The following DCC variants were observed in gnomAD, a reference collection of about 807,000 sequenced individuals.
DCC encodes the protein netrin receptor DCC.
Under a neutral mutation model 172.5 loss-of-function variants are expected in DCC, and 58 were observed. The ratio of observed to expected loss-of-function variants is 0.34; its 90% CI spans 0.27 to 0.42. The LOEUF is 0.42. Ranked by LOEUF, DCC falls within the 10% of genes least tolerant of loss-of-function variation. The pLI is 1.00. For synonymous variants in DCC, 709 were observed against 644.5 expected (o/e 1.10, Z -1.52); for missense variants, 1,740 against 1,791.0 (o/e 0.97, Z 0.51).
chr18:53,112,462 A>C (rs561288690), intron 7 of DCC, among the ~76,000 whole-genome samples: 13 of 151,586 alleles, frequency 8.6e-5, no homozygotes, highest in African/African-American at 2.9e-4. Context: ...CATATAATAA[A>C]TGGCAGCTTC....
At chr18:52,866,737 C>A (rs1169534412) in intron 2 of DCC, among the ~76,000 whole-genome samples, 1 of 152,104 alleles carries the variant, frequency 6.6e-6, no homozygotes, top group African/African-American at 2.4e-5. Context: ...GATTTTGTAT[C>A]CGGAGACTTT....
intron 25 of DCC, among the ~76,000 whole-genome samples, chr18:53,486,413 A>C (rs2045900473): frequency 6.6e-6 from 1 of 152,194 alleles, no homozygotes. Flanking sequence ...CACTCTACAC[A>C]ATATATTTGA....
chr18:53,162,144 C>A (rs1416213607), intron 8 of DCC, among the ~76,000 whole-genome samples: 1 of 151,900 alleles, frequency 6.6e-6, no homozygotes, highest in African/African-American at 2.4e-5. Flanking sequence ...ACTAAACATA[C>A]AAAAATTAGC....
chr18:53,503,780 C>CT (rs1382606634), intron 27 of DCC, among the ~76,000 whole-genome samples: 3 of 152,122 alleles, frequency 2.0e-5, no homozygotes, highest in Non-Finnish European at 4.4e-5. Context: ...TCATAATACT[C>CT]TTTTATAACA....
At chr18:53,187,129 C>CTT (rs56196908) in intron 9 of DCC, among the ~76,000 whole-genome samples, 2 of 144,472 alleles carry the variant, frequency 1.4e-5, no homozygotes, top group East Asian at 2.1e-4. Context: ...TTTTTTTTTT[C>CTT]TTTTTTTTTT....
chr18:52,401,496 A>G (rs893184772), intron 1 of DCC, among the ~76,000 whole-genome samples: 1 of 152,046 alleles, frequency 6.6e-6, no homozygotes, highest in Admixed American at 6.6e-5. Flanking sequence ...AGAAACCACA[A>G]CAAACTGTGA....
intron 12 of DCC, among the ~76,000 whole-genome samples, chr18:53,293,507 C>T (rs531634539): frequency 6.6e-6 from 1 of 152,144 alleles, no homozygotes; most frequent in South Asian, 2.1e-4. Context: ...GGTACATGTA[C>T]AGGTTTGTTA....
At chr18:52,600,452 T>G (rs942219733) in intron 1 of DCC, among the ~76,000 whole-genome samples, 9 of 152,236 alleles carry the variant, frequency 5.9e-5, no homozygotes, top group African/African-American at 2.2e-4. Flanking sequence ...CACACCTAAC[T>G]TATTTTTTTT....
At chr18:52,597,159 T>A (rs142081275) in intron 1 of DCC, among the ~76,000 whole-genome samples, 13 of 152,346 alleles carry the variant, frequency 8.5e-5, no homozygotes, top group Admixed American at 3.9e-4. Context: ...AAAGTCAATT[T>A]GCAGAAGGTG....
intron 5 of DCC, among the ~76,000 whole-genome samples, chr18:52,970,485 A>G (rs1019212918): frequency 9.2e-5 from 14 of 152,296 alleles, no homozygotes; most frequent in African/African-American, 3.1e-4. Context: ...ATATATCAAC[A>G]TTACTCTCCA....
At position 52,747,898 on chromosome 18, in the gene DCC, G is replaced by A. The variant is rs71367294; in HGVS notation, c.92-4156G>A. 6.1e-3 allele frequency among the ~76,000 whole-genome samples: 925 copies of A among 152,312 alleles called. 3 individuals carry two copies. Among genetic ancestry groups the A allele is most frequent in the Non-Finnish European group, 0.011 (738 of 68,026 alleles). On this transcript the variant is annotated intron_variant, in intron 1 of 28. Coordinates refer to ENST00000442544, the MANE Select transcript of DCC (RefSeq NM_005215.4). ...GAAGTTAAAGGTAGCCTTGCCTAAT[G>A]ACACGGTATTTTTCAGTGCCGCTTC...
Position 53,269,548 on chromosome 18 carries a change from A to C in DCC, c.1912-36030A>C, listed in dbSNP as rs187919828. ...GAAAAGAGAAAGGCATAGAATGTTA[A>C]GAATAATAGTCGTAATATTAATGGC... is the stretch of plus-strand genomic sequence containing the variant. On this transcript the variant is annotated intron_variant, in intron 12 of 28. Transcript: ENST00000442544. Among the ~76,000 whole-genome samples, 64 of 152,322 alleles carry C rather than the reference A, an allele frequency of 4.2e-4. No individual in the cohort carries two copies. In the East Asian group the frequency reaches 0.011, roughly 26 times the overall value.
intron 1 of DCC, among the ~76,000 whole-genome samples, chr18:52,416,780 A>G (rs1439755943): frequency 6.6e-6 from 1 of 151,856 alleles, no homozygotes; most frequent in Non-Finnish European, 1.5e-5. Context: ...TGCACTTGAG[A>G]TGGGTTTCCT....
Position 52,739,828 on chromosome 18 carries a change from T to C in DCC, c.92-12226T>C, listed in dbSNP as rs1443767662. 2.0e-5 allele frequency among the ~76,000 whole-genome samples: 3 copies of C among 152,284 alleles called. No individual in the cohort carries two copies. The East Asian group carries it at 5.8e-4, about 29-fold the overall frequency. On this transcript the variant is annotated intron_variant, in intron 1 of 28. Coordinates refer to ENST00000442544, the MANE Select transcript of DCC (RefSeq NM_005215.4). ...ATTGAGAATACCTTCTTTTTTCATA[T>C]ACATTATAAAAACTGCTCTATTAAT...
rs55715009 is a variant in DCC at position 52,610,382 on chromosome 18, C to CAAAA, written c.92-141650_92-141647dup. ...GTGAGAGAGCGAGACTCTGTCTCAA[C>CAAAA]AAAAAAAAAAAAAAAAAAAAAAAAA... On this transcript the variant is annotated intron_variant, in intron 1 of 28. Transcript: ENST00000442544. Among the ~76,000 whole-genome samples the CAAAA allele has an allele frequency of 1.4e-3, 71 of 49,966 alleles. 2 individuals carry two copies. Among genetic ancestry groups the CAAAA allele is most frequent in the East Asian group, 7.4e-3 (5 of 672 alleles). 32.8% of individuals were successfully genotyped at this position (49,966 alleles called of 152,430 possible).
At chr18:53,256,352 C>T (rs1370697757) in intron 12 of DCC, among the ~76,000 whole-genome samples, 1 of 152,172 alleles carries the variant, frequency 6.6e-6, no homozygotes, top group African/African-American at 2.4e-5. Flanking sequence ...TTAGGTCTAA[C>T]ATGTAGGTCT....
At chr18:53,103,459 C>T (rs2043201890) in intron 7 of DCC, among the ~76,000 whole-genome samples, 1 of 152,030 alleles carries the variant, frequency 6.6e-6, no homozygotes, top group South Asian at 2.1e-4. Flanking sequence ...GCAGCCTTGA[C>T]ACTTGAGCCT....
intron 10 of DCC, among the ~76,000 whole-genome samples, chr18:53,205,991 A>G (rs1032411969): frequency 2.6e-5 from 4 of 151,090 alleles, no homozygotes. Flanking sequence ...TTGGTGATAC[A>G]TGCACACACA....
intron 1 of DCC, among the ~76,000 whole-genome samples, chr18:52,383,372 T>C (rs1382268074): frequency 6.6e-6 from 1 of 152,112 alleles, no homozygotes; most frequent in Non-Finnish European, 1.5e-5. Context: ...ATTAGTGTTT[T>C]ATATTAATTA....
Sources: gnomAD v4.1 joint callset for allele counts (sites outside exome capture counted in the v4.1 genomes callset) on GRCh38, gnomAD v4.1.1 for gene constraint, MANE v1.5 for transcripts, NCBI Gene and HGNC (gene_info 2026-07-23, HGNC 2026-07-21) for gene names.